Variants in AGPAT4 observed in about 807,000 individuals in gnomAD.
The protein encoded by AGPAT4 is 1-acyl-sn-glycerol-3-phosphate acyltransferase delta.
AGPAT4 carries 15 observed loss-of-function variants against 48.0 expected under a neutral mutation model. That is an observed-to-expected ratio of 0.31 (90% CI 0.21 to 0.48). AGPAT4 has a LOEUF of 0.48. Ranked by LOEUF, AGPAT4 falls within the 20% of genes least tolerant of loss-of-function variation. The probability of loss-of-function intolerance (pLI) is 0.99; values close to 1 mark genes in which losing one functional copy is unlikely to be tolerated. For missense variants in AGPAT4, 314 were observed against 482.5 expected, an observed-to-expected ratio of 0.65 and a Z score of 3.27; for synonymous variants, 178 against 198.7, an observed-to-expected ratio of 0.90 and a Z score of 0.88.
rs760077095 is a variant in AGPAT4 at position 161,144,191 on chromosome 6, C to T, written c.843+2333G>A. 12 of 533,080 alleles carry T rather than the reference C, an allele frequency of 2.3e-5. No individual in the cohort carries two copies. The highest frequency in any genetic ancestry group is 1.9e-4 in the Admixed American group (10 of 51,544). The allele number at this position is 533,080 out of a possible 1,614,324, so 33.0% of individuals were successfully genotyped here. On this transcript the variant is annotated intron_variant, in intron 7 of 8. Transcript: ENST00000320285. The surrounding 1 kb of genome is among the most constrained non-coding windows in gnomAD (Gnocchi z 6.6). The stretch of plus-strand genomic sequence containing the variant: ...TCCACTTGCTGCTCAGCGATCTTCT[C>T]GGAAGGGCAAAGGGCCAGCCTCCCA...
At chr6:161,268,644 A>G (rs1783334927) in intron 1 of AGPAT4, among the ~76,000 whole-genome samples, 1 of 152,246 alleles carries the variant, frequency 6.6e-6, no homozygotes, top group Non-Finnish European at 1.5e-5. Flanking sequence ...CGTGCCAACC[A>G]GAGTTATTAG....
chr6:161,190,560 G>C (rs1780894318), intron 2 of AGPAT4, among the ~76,000 whole-genome samples: 1 of 149,294 alleles, frequency 6.7e-6, no homozygotes, highest in African/African-American at 2.5e-5. Context: ...AGAGCTCATG[G>C]GAAGCTTTAC....
intron 1 of AGPAT4, among the ~76,000 whole-genome samples, chr6:161,241,133 G>A (rs1347098008): frequency 1.3e-5 from 2 of 151,598 alleles, no homozygotes; most frequent in Non-Finnish European, 2.9e-5. Flanking sequence ...CGTGGTGGCA[G>A]GCACCTGTAA....
chr6:161,183,757 C>T (rs1238128259), intron 2 of AGPAT4, among the ~76,000 whole-genome samples: 6 of 134,260 alleles, frequency 4.5e-5, no homozygotes, highest in Admixed American at 2.9e-4. Flanking sequence ...GGGAGGGAGG[C>T]TGATCCTTCT....
Position 161,226,791 on chromosome 6 carries a change from GGCAGGA to G in AGPAT4, c.178+5239_178+5244del, listed in dbSNP as rs1248403770. ...CCACCTTGCCTTCCCTGTGCTGCCG[GGCAGGA>G]GGGTCTGCAGGCAGAAGGAGTTTCC... On this transcript the variant is annotated intron_variant, in intron 2 of 8. Coordinates refer to ENST00000320285, the MANE Select transcript of AGPAT4 (RefSeq NM_020133.3). The surrounding 1 kb of genome is among the most constrained non-coding windows in gnomAD (Gnocchi z 6.3). 4.6e-5 allele frequency among the ~76,000 whole-genome samples: 7 copies of G among 152,104 alleles called. No individual in the cohort carries two copies. Among genetic ancestry groups the G allele is most frequent in the Admixed American group, 4.6e-4 (7 of 15,276 alleles).
chr6:161,141,956 G>A lies in AGPAT4; in HGVS notation c.844-2336C>T, dbSNP rs529805685. On this transcript the variant is annotated intron_variant, in intron 7 of 8. Transcript: ENST00000320285. This position sits in a 1 kb window ranked among gnomAD's most constrained non-coding sequence, Gnocchi z 6.7. ...CCTCTCACTGCAACCTCCGCCTCCC[G>A]GGTTCAAGCAATTTTCCCACCTCAG... is the stretch of plus-strand genomic sequence containing the variant. 1.1e-4 allele frequency among the ~76,000 whole-genome samples: 16 copies of A among 152,228 alleles called. No homozygotes were observed. The South Asian group carries it at 2.9e-3, about 28-fold the overall frequency.
In AGPAT4 at chr6:161,154,387, T is replaced by C. The variant is rs1251513000; in HGVS notation, c.349-77A>G. 3 of 1,562,580 alleles carry C rather than the reference T, an allele frequency of 1.9e-6. No individual in the cohort carries two copies. The highest frequency in any genetic ancestry group is 2.3e-5 in the East Asian group (1 of 44,254). On this transcript the variant is annotated intron_variant, in intron 3 of 8. Transcript: ENST00000320285. This position sits in a 1 kb window ranked among gnomAD's most constrained non-coding sequence, Gnocchi z 7.8. Reference sequence around the variant, plus strand: ...CTGCCGGGGCTGTTGGAGACTGAAGTAGAAAAAGAGGAGGGGACGTTCACA... The same window carrying C: ...CTGCCGGGGCTGTTGGAGACTGAAGCAGAAAAAGAGGAGGGGACGTTCACA...
intron 1 of AGPAT4, among the ~76,000 whole-genome samples, chr6:161,258,096 T>TAGTATTTAC (rs1471021824): frequency 6.6e-6 from 1 of 152,256 alleles, no homozygotes; most frequent in Non-Finnish European, 1.5e-5. Flanking sequence ...ATGAAAGTTC[T>TAGTATTTAC]AGTATTTACA....
chr6:161,228,058 G>A (rs550071220), intron 2 of AGPAT4, among the ~76,000 whole-genome samples: 6 of 152,158 alleles, frequency 3.9e-5, no homozygotes, highest in Admixed American at 6.5e-5. Flanking sequence ...AGACACCCTC[G>A]CCACCACCGG....
rs1783293145 is a variant in AGPAT4 at position 161,267,228 on chromosome 6, A to T, written c.-90+6710T>A. Among the ~76,000 whole-genome samples the T allele has an allele frequency of 6.6e-6, 1 of 152,184 alleles. No individual in the cohort carries two copies. On this transcript the variant is annotated intron_variant, in intron 1 of 8. Transcript: ENST00000320285. The surrounding 1 kb of genome is among the most constrained non-coding windows in gnomAD (Gnocchi z 5.2). ...ACAAGGCCCTTTCCCTTCTCCCACC[A>T]TCTCTGGCTAAACCATAATAAAAAC...
chr6:161,269,244 CT>C (rs140975554), intron 1 of AGPAT4, among the ~76,000 whole-genome samples: 2,042 of 152,294 alleles, frequency 0.013, 34 homozygotes, highest in African/African-American at 0.047. Flanking sequence ...TTCTCTTCCT[CT>C]GTGTCTCCTG....
At position 161,147,348 on chromosome 6, in the gene AGPAT4, C is replaced by G. The variant is rs1275297026; in HGVS notation, c.768-749G>C. Among the ~76,000 whole-genome samples, 1 of 152,190 alleles carries G rather than the reference C, an allele frequency of 6.6e-6. No homozygotes were observed. Among genetic ancestry groups the G allele is most frequent in the Non-Finnish European group, 1.5e-5 (1 of 68,030 alleles). On this transcript the variant is annotated intron_variant, in intron 6 of 8. Coordinates refer to ENST00000320285, the MANE Select transcript of AGPAT4 (RefSeq NM_020133.3). The surrounding 1 kb of genome is among the most constrained non-coding windows in gnomAD (Gnocchi z 4.8). ...GGGAGAAGTCACTCTGCCACCTTTG[C>G]CCTTCCTATTTGTTCTCAGGTTGAT...
rs1783034218 is a variant in AGPAT4 at position 161,259,262 on chromosome 6, T to C, written c.-90+14676A>G. The stretch of plus-strand genomic sequence containing the variant: ...TGATGAGAAAGTTTAAAATCTATTC[T>C]TTTAGTAATGTTTAAATACACATTA... On this transcript the variant is annotated intron_variant, in intron 1 of 8. Coordinates refer to ENST00000320285, the MANE Select transcript of AGPAT4 (RefSeq NM_020133.3). This position sits in a 1 kb window ranked among gnomAD's most constrained non-coding sequence, Gnocchi z 4.9. 6.6e-6 allele frequency among the ~76,000 whole-genome samples: 1 copy of C among 152,182 alleles called. No individual in the cohort carries two copies. Among genetic ancestry groups the C allele is most frequent in the Non-Finnish European group, 1.5e-5 (1 of 68,050 alleles).
chr6:161,169,497 C>T lies in AGPAT4; in HGVS notation c.179-3080G>A, dbSNP rs1780205792. The stretch of plus-strand genomic sequence containing the variant: ...CTTTCTTTTTTTTGAGATGGTGTGT[C>T]ACTCTGTCATCCAGGCTGGAGTGCA... On this transcript the variant is annotated intron_variant, in intron 2 of 8. Transcript: ENST00000320285. The surrounding 1 kb of genome is among the most constrained non-coding windows in gnomAD (Gnocchi z 5.0). Among the ~76,000 whole-genome samples, 1 of 151,936 alleles carries T rather than the reference C, an allele frequency of 6.6e-6. No individual in the cohort carries two copies. Among genetic ancestry groups the T allele is most frequent in the Non-Finnish European group, 1.5e-5 (1 of 67,984 alleles).
intron 1 of AGPAT4, among the ~76,000 whole-genome samples, chr6:161,241,782 G>C (rs1183159111): frequency 1.3e-5 from 2 of 152,196 alleles, no homozygotes; most frequent in Non-Finnish European, 2.9e-5. Flanking sequence ...GCCCAGGCTG[G>C]AGTGCAGTGG....
At chr6:161,273,555 G>A (rs982475978) in intron 1 of AGPAT4, among the ~76,000 whole-genome samples, 2 of 152,184 alleles carry the variant, frequency 1.3e-5, no homozygotes, top group South Asian at 4.1e-4. Context: ...ATATGTAATA[G>A]GAACATTCCC....
Position 161,146,844 on chromosome 6 carries a change from T to C in AGPAT4, c.768-245A>G, listed in dbSNP as rs1417492140. 6.6e-6 allele frequency among the ~76,000 whole-genome samples: 1 copy of C among 152,138 alleles called. No homozygotes were observed. The highest frequency in any genetic ancestry group is 1.5e-5 in the Non-Finnish European group (1 of 68,022). On this transcript the variant is annotated intron_variant, in intron 6 of 8. Transcript: ENST00000320285. The surrounding 1 kb of genome is among the most constrained non-coding windows in gnomAD (Gnocchi z 7.1). ...CCAATTCAATGGCACAGACAGATGC[T>C]GTGAGAACAGGGGACACCTGCCTCA...
At chr6:161,224,068 T>TA (rs1490960335) in intron 2 of AGPAT4, among the ~76,000 whole-genome samples, 1 of 152,246 alleles carries the variant, frequency 6.6e-6, no homozygotes, top group Non-Finnish European at 1.5e-5. Context: ...TTTAACTTGA[T>TA]AAAGAATTTT....
rs1447395816 is a variant in AGPAT4, at chr6:161,212,450, T to C, written c.178+19586A>G. Among the ~76,000 whole-genome samples, 1 of 152,172 alleles carries C rather than the reference T, an allele frequency of 6.6e-6. No individual in the cohort carries two copies. Among genetic ancestry groups the C allele is most frequent in the Non-Finnish European group, 1.5e-5 (1 of 68,016 alleles). On this transcript the variant is annotated intron_variant, in intron 2 of 8. Transcript: ENST00000320285. The surrounding 1 kb of genome is among the most constrained non-coding windows in gnomAD (Gnocchi z 6.1). ...CTTACCTAATTAATCCTTTAAGACA[T>C]TAGATTCCCTAAAGTCCAAAAGTGA... is the stretch of plus-strand genomic sequence containing the variant.
Sources: gnomAD v4.1 joint callset for allele counts (sites outside exome capture counted in the v4.1 genomes callset) on GRCh38, gnomAD v4.1.1 for gene constraint, Gnocchi (gnomAD v3.1) non-coding constraint, MANE v1.5 for transcripts, NCBI Gene and HGNC (gene_info 2026-07-23, HGNC 2026-07-21) for gene names.